The following SLC22A23 variants were observed in gnomAD, a reference collection of about 807,000 sequenced individuals.
SLC22A23 encodes ion transporter protein.
SLC22A23 carries 26 observed loss-of-function variants against 61.0 expected under a neutral mutation model. The ratio of observed to expected loss-of-function variants is 0.43; its 90% CI spans 0.31 to 0.59. The LOEUF is 0.59. SLC22A23 is among the 20% of genes least tolerant of loss of function. The pLI is 0.11. For missense variants in SLC22A23, 796 were observed against 934.7 expected (o/e 0.85, Z 1.94); for synonymous variants, 430 against 413.9 (o/e 1.04, Z -0.47).
At chr6:3,364,546 T>C (rs1173500864) in intron 3 of SLC22A23, among the ~76,000 whole-genome samples, 5 of 152,158 alleles carry the variant, frequency 3.3e-5, no homozygotes, top group Admixed American at 6.5e-5. Context: ...CACCATGTGA[T>C]GAGGTCACAC....
At chr6:3,287,675 G>GT (rs11418179) in intron 6 of SLC22A23, among the ~76,000 whole-genome samples, 87,237 of 136,314 alleles carry the variant, frequency 0.64, 30,081 homozygotes, top group Non-Finnish European at 0.78. Context: ...ACAGGAAACT[G>GT]TTTTTTTTTT....
At chr6:3,409,147 A>T (rs780267317) in intron 3 of SLC22A23, among the ~76,000 whole-genome samples, 14 of 152,248 alleles carry the variant, frequency 9.2e-5, no homozygotes, top group Non-Finnish European at 1.6e-4. Context: ...CCAAGAGACA[A>T]GGGTTCTAAG....
At chr6:3,319,791 G>A (rs1036567623) in intron 4 of SLC22A23, among the ~76,000 whole-genome samples, 5 of 152,298 alleles carry the variant, frequency 3.3e-5, no homozygotes, top group Middle Eastern at 3.4e-3. Context: ...GTGGGAGGCC[G>A]TGTTTTGGAC....
Position 3,292,261 on chromosome 6 carries a change from G to A in SLC22A23, c.1211-2395C>T, listed in dbSNP as rs891178040. ...GAGGCCGTGCCGAGTTCTCCCATCC[G>A]GCCCTCAAGGCAGCGCTCTATGTTA... On this transcript the variant is annotated intron_variant, in intron 5 of 9. Coordinates refer to ENST00000406686, the MANE Select transcript of SLC22A23 (RefSeq NM_015482.2). 5.0e-4 allele frequency among the ~76,000 whole-genome samples: 76 copies of A among 152,176 alleles called. 1 individual carries two copies. The highest frequency in any genetic ancestry group is 1.0e-4 in the Non-Finnish European group (7 of 68,034).
Position 3,272,803 on chromosome 6 carries a change from T to TA in SLC22A23, c.*251dup. 4.9e-6 allele frequency: 2 copies of TA among 404,468 alleles called. No individual in the cohort carries two copies. The highest frequency in any genetic ancestry group is 8.8e-6 in the Non-Finnish European group (2 of 226,140). 25.1% of individuals were successfully genotyped at this position (404,468 alleles called of 1,614,324 possible). A position where few individuals can be genotyped will look rare whatever the true frequency, so the allele number is the denominator to read the frequency against. Reference sequence around the variant, plus strand: ...GGGAGAGGGAATAAAGTGCTTCTCGTAAAAATGACCAAAATAAATACACAC... The same window carrying TA: ...GGGAGAGGGAATAAAGTGCTTCTCGTAAAAAATGACCAAAATAAATACACAC... On this transcript the variant is annotated 3_prime_UTR_variant, in exon 10 of 10. Coordinates refer to ENST00000406686, the MANE Select transcript of SLC22A23 (RefSeq NM_015482.2).
rs1448149444 is a variant in SLC22A23, at chr6:3,427,687, C to G, written c.655-11832G>C. Among the ~76,000 whole-genome samples, 5 of 152,048 alleles carry G rather than the reference C, an allele frequency of 3.3e-5. No individual in the cohort carries two copies. Among genetic ancestry groups the G allele is most frequent in the Non-Finnish European group, 7.4e-5 (5 of 68,016 alleles). On this transcript the variant is annotated intron_variant, in intron 1 of 9. Transcript: ENST00000406686. The surrounding 1 kb of genome is among the most constrained non-coding windows in gnomAD (Gnocchi z 4.3). ...AACAGCAACAGCTTCGTTTCCAACA[C>G]TTCCTGCAATCATTCCTTAAATATA...
At chr6:3,443,745 C>T (rs908953280) in intron 1 of SLC22A23, among the ~76,000 whole-genome samples, 16 of 152,138 alleles carry the variant, frequency 1.1e-4, no homozygotes, top group African/African-American at 3.9e-4. Context: ...TCCCTCACCC[C>T]AATCCATGCT....
At chr6:3,404,961 A>AG (rs1768697666) in intron 3 of SLC22A23, among the ~76,000 whole-genome samples, 1 of 151,936 alleles carries the variant, frequency 6.6e-6, no homozygotes, top group African/African-American at 2.4e-5. Flanking sequence ...GAAGCTTAAA[A>AG]AAAAAAAAAG....
intron 1 of SLC22A23, among the ~76,000 whole-genome samples, chr6:3,431,105 C>T (rs1770835587): frequency 6.7e-6 from 1 of 149,710 alleles, no homozygotes; most frequent in South Asian, 2.1e-4. Flanking sequence ...AAAAAGAAAA[C>T]ACAGCATGTG....
intron 9 of SLC22A23, among the ~76,000 whole-genome samples, chr6:3,280,615 C>T (rs1759375152): frequency 6.6e-6 from 1 of 151,466 alleles, no homozygotes; most frequent in South Asian, 2.1e-4. Context: ...CCTGCCTCAG[C>T]CTCCTGAGTA....
At chr6:3,385,451 G>A (rs576913094) in intron 3 of SLC22A23, among the ~76,000 whole-genome samples, 13 of 152,332 alleles carry the variant, frequency 8.5e-5, no homozygotes, top group African/African-American at 2.6e-4. Flanking sequence ...GGGAGGCAGA[G>A]GTTGCAGTGT....
chr6:3,431,128 A>G (rs570182083), intron 1 of SLC22A23, among the ~76,000 whole-genome samples: 4 of 152,228 alleles, frequency 2.6e-5, no homozygotes, highest in African/African-American at 9.6e-5. Context: ...AGGGTTTAAA[A>G]ATGTGGGGCA....
Position 3,287,032 on chromosome 6 carries a change from T to C in SLC22A23, c.1373A>G (p.Lys458Arg), listed in dbSNP as rs768069857. 2 of 1,614,226 alleles carry C rather than the reference T, an allele frequency of 1.2e-6. No individual in the cohort carries two copies. The highest frequency in any genetic ancestry group is 2.2e-5 in the South Asian group (2 of 91,084). Residue 458 changes from lysine to arginine, a missense_variant, in exon 7 of 10, where the codon AAG becomes AGG. Transcript: ENST00000406686. ...FARSMMGHEV[K>R]VPLLENFYAD... The stretch of plus-strand genomic sequence containing the variant: ...ATAGAAGTTCTCCAGGAGCGGCACC[T>C]TCACCTCGTGGCCCATCATGCTCCT...
In SLC22A23 at chr6:3,354,028, G is replaced by A. The variant is rs554262138; in HGVS notation, c.914-30026C>T. Among the ~76,000 whole-genome samples the A allele has an allele frequency of 3.9e-5, 6 of 152,342 alleles. No homozygotes were observed. In the East Asian group the frequency reaches 9.6e-4, roughly 24 times the overall value. ...GTCGGTTGACTGAATCCTTTGATGT[G>A]ACAGGTAGCTAAGCCACTTATCTGG... On this transcript the variant is annotated intron_variant, in intron 3 of 9. Transcript: ENST00000406686.
In SLC22A23 at chr6:3,352,271, G is replaced by GCA. The variant is rs57754893; in HGVS notation, c.914-28271_914-28270dup. ...CTCACAAACATACACACACAGACAT[G>GCA]CACACACACACACACACACAGCCAT... On this transcript the variant is annotated intron_variant, in intron 3 of 9. Transcript: ENST00000406686. Among the ~76,000 whole-genome samples the GCA allele has an allele frequency of 3.4e-3, 512 of 149,342 alleles. 1 individual carries two copies. Among genetic ancestry groups the GCA allele is most frequent in the Admixed American group, 5.8e-3 (87 of 15,020 alleles).
rs1240918124 is a variant in SLC22A23 at position 3,409,117 on chromosome 6, A to C, written c.913+1071T>G. Among the ~76,000 whole-genome samples, 3 of 152,262 alleles carry C rather than the reference A, an allele frequency of 2.0e-5. No homozygotes were observed. In the South Asian group the frequency reaches 6.2e-4, roughly 31 times the overall value. On this transcript the variant is annotated intron_variant, in intron 3 of 9. Transcript: ENST00000406686. Reference sequence around the variant, plus strand: ...CCCAGGCCCACTCATCTTGTCATGCATATCTTCCTAAAGAACTTCCCAAGA... The same window carrying C: ...CCCAGGCCCACTCATCTTGTCATGCCTATCTTCCTAAAGAACTTCCCAAGA...
intron 9 of SLC22A23, among the ~76,000 whole-genome samples, chr6:3,281,392 G>A (rs1043262515): frequency 6.6e-6 from 1 of 152,182 alleles, no homozygotes; most frequent in Non-Finnish European, 1.5e-5. Context: ...TCATCCTTGG[G>A]GCAATAGATT....
chr6:3,279,509 C>CAAAAAAAAAAAAAA (rs10642564), intron 9 of SLC22A23, among the ~76,000 whole-genome samples: 1,000 of 35,996 alleles, frequency 0.028, 324 homozygotes, highest in Non-Finnish European at 0.038. Context: ...GGCTCCGTCT[C>CAAAAAAAAAAAAAA]AAAAAAAAAA....
chr6:3,298,092 T>C lies in SLC22A23; in HGVS notation c.1209A>G (p.Pro403=). The C allele has an allele frequency of 7.7e-6, 12 of 1,552,792 alleles. No homozygotes were observed. Among genetic ancestry groups the C allele is most frequent in the Non-Finnish European group, 1.0e-5 (12 of 1,153,340 alleles). ...CCTGCCAGCCCGCGGTGTGCTCACCTGGTATCACACCCTTGATGTCGCCCT... is the reference window on the plus strand; with the variant it reads ...CCTGCCAGCCCGCGGTGTGCTCACCCGGTATCACACCCTTGATGTCGCCCT... The part of the protein sequence containing the change: ...NPEGDIKGVI[P]ELEKELSRRP... The change falls in exon 5 of 10, where the codon CCA becomes CCG. Residue 403 remains proline, a splice_region_variant and synonymous_variant. Transcript: ENST00000406686.
Sources: allele counts gnomAD v4.1 joint callset (sites outside exome capture counted in the v4.1 genomes callset), GRCh38; gene constraint gnomAD v4.1.1; non-coding constraint Gnocchi (gnomAD v3.1); transcripts MANE v1.5; gene names NCBI Gene and HGNC (gene_info 2026-07-23, HGNC 2026-07-21).